FNDC3A: variants seen among roughly 807,000 people sequenced by gnomAD.
The protein encoded by FNDC3A is fibronectin type III domain containing 3A.
A neutral mutation model predicts 148.9 loss-of-function variants in FNDC3A; 32 were observed. That is an observed-to-expected ratio of 0.21 (90% CI 0.16 to 0.29). The LOEUF is 0.29. FNDC3A is among the 10% of genes least tolerant of loss of function. The pLI is 1.00. For missense variants in FNDC3A, 1,191 were observed against 1,452.8 expected (o/e 0.82, Z 2.93); for synonymous variants, 472 against 473.6 (o/e 1.00, Z 0.04).
chr13:49,161,729 G>C (rs891971164), intron 8 of FNDC3A, among the ~76,000 whole-genome samples: 1 of 152,170 alleles, frequency 6.6e-6, no homozygotes, highest in Admixed American at 6.5e-5. Context: ...GGCATGTTTT[G>C]CAGTGGCTGG....
chr13:49,118,908 A>G lies in FNDC3A; in HGVS notation c.252+4177A>G, dbSNP rs546689504. ...TTCCTGAGACAGAGCACCTGGGGGAAGGGGCAAGTGTGGGCACAGCTTCAG... is the reference window on the plus strand; with the variant it reads ...TTCCTGAGACAGAGCACCTGGGGGAGGGGGCAAGTGTGGGCACAGCTTCAG... On this transcript the variant is annotated intron_variant, in intron 4 of 25. Coordinates refer to ENST00000492622, the MANE Select transcript of FNDC3A (RefSeq NM_001079673.2). Among the ~76,000 whole-genome samples the G allele has an allele frequency of 2.6e-5, 4 of 152,330 alleles. No homozygotes were observed. In the East Asian group the frequency reaches 7.7e-4, roughly 29 times the overall value.
chr13:49,062,700 G>T (rs1300730353), intron 2 of FNDC3A, among the ~76,000 whole-genome samples: 1 of 152,136 alleles, frequency 6.6e-6, no homozygotes, highest in East Asian at 1.9e-4. Context: ...TTGAGTGGAT[G>T]CTTATAATGC....
At chr13:48,987,205 A>G (rs760573808) in intron 1 of FNDC3A, among the ~76,000 whole-genome samples, 3 of 152,234 alleles carry the variant, frequency 2.0e-5, no homozygotes, top group Non-Finnish European at 4.4e-5. Context: ...TTTTGGCTCT[A>G]AAGGGTAGCC....
At chr13:49,196,464 T>C (rs778984512) in intron 19 of FNDC3A, among the ~76,000 whole-genome samples, 7 of 152,182 alleles carry the variant, frequency 4.6e-5, no homozygotes, top group Non-Finnish European at 7.4e-5. Flanking sequence ...AAATTTGATA[T>C]GGAATATGCC....
chr13:49,066,424 A>G (rs1262553750), intron 2 of FNDC3A, among the ~76,000 whole-genome samples: 1 of 152,192 alleles, frequency 6.6e-6, no homozygotes, highest in Non-Finnish European at 1.5e-5. Context: ...ATGGTGCCCA[A>G]GAAACACTTA....
At chr13:49,105,696 A>G (rs1880131452) in intron 3 of FNDC3A, among the ~76,000 whole-genome samples, 1 of 152,340 alleles carries the variant, frequency 6.6e-6, no homozygotes, top group South Asian at 2.1e-4. Context: ...TATTAAAATT[A>G]GTACTGCTAT....
chr13:49,077,657 T>C (rs1041526575), intron 3 of FNDC3A, among the ~76,000 whole-genome samples: 1 of 152,040 alleles, frequency 6.6e-6, no homozygotes, highest in Non-Finnish European at 1.5e-5. Flanking sequence ...AGGGAGAGCA[T>C]TAGGACAAAT....
rs1285559846 is a variant in FNDC3A at position 49,175,484 on chromosome 13, A to G, written c.1473A>G (p.Ser491=). ...TATCCTTACAATGGAGTAAGCCCTCAGGAACACCATCAGATGAAGGAATTT... is the reference window on the plus strand; with the variant it reads ...TATCCTTACAATGGAGTAAGCCCTCGGGAACACCATCAGATGAAGGAATTT... The part of the protein sequence containing the change: ...TWLSLQWSKP[S]GTPSDEGISY... The change falls in exon 13 of 26, where the codon TCA becomes TCG. Residue 491 remains serine, a synonymous_variant. Transcript: ENST00000492622. 3 of 1,612,814 alleles carry G rather than the reference A, an allele frequency of 1.9e-6. No individual in the cohort carries two copies. In the East Asian group the frequency reaches 6.7e-5, roughly 36 times the overall value.
chr13:49,152,566 T>G (rs1227676511), intron 8 of FNDC3A, among the ~76,000 whole-genome samples: 1 of 152,116 alleles, frequency 6.6e-6, no homozygotes, highest in African/African-American at 2.4e-5. Flanking sequence ...ATTGTGCAGG[T>G]TAGTTACATA....
chr13:49,051,927 G>T (rs539787142), intron 2 of FNDC3A, among the ~76,000 whole-genome samples: 1 of 152,024 alleles, frequency 6.6e-6, no homozygotes, highest in South Asian at 2.1e-4. Context: ...CTTGTCTTCA[G>T]GCTCTGAAGT....
chr13:49,030,050 A>G (rs973262513), intron 2 of FNDC3A, among the ~76,000 whole-genome samples: 10 of 152,208 alleles, frequency 6.6e-5, no homozygotes, highest in Non-Finnish European at 1.5e-4. Flanking sequence ...GAGAATTAAC[A>G]CCAAATCTAA....
chr13:49,047,234 G>T lies in FNDC3A; in HGVS notation c.100-28055G>T, dbSNP rs570869037. On this transcript the variant is annotated intron_variant, in intron 2 of 25. Coordinates refer to ENST00000492622, the MANE Select transcript of FNDC3A (RefSeq NM_001079673.2). ...CACTCATTGATTGATGGACATTTGG[G>T]CTGGTTACATATTTTTGCAGTTGCG... Among the ~76,000 whole-genome samples, 51 of 152,034 alleles carry T rather than the reference G, an allele frequency of 3.4e-4. No homozygotes were observed. The South Asian group carries it at 0.011, about 32-fold the overall frequency.
intron 2 of FNDC3A, among the ~76,000 whole-genome samples, chr13:49,040,008 T>C (rs1874803848): frequency 6.6e-6 from 1 of 152,182 alleles, no homozygotes; most frequent in Non-Finnish European, 1.5e-5. Flanking sequence ...GCCACCGTGC[T>C]GGCCCTGTTA....
At chr13:49,082,079 T>C (rs1337764469) in intron 3 of FNDC3A, among the ~76,000 whole-genome samples, 1 of 151,748 alleles carries the variant, frequency 6.6e-6, no homozygotes, top group Non-Finnish European at 1.5e-5. Flanking sequence ...CATATTGAAA[T>C]GATAGGTCAA....
At chr13:49,132,679 C>T (rs1371640922) in intron 5 of FNDC3A, among the ~76,000 whole-genome samples, 2 of 152,182 alleles carry the variant, frequency 1.3e-5, no homozygotes, top group Admixed American at 6.5e-5. Context: ...CATTGCTTCC[C>T]CTTAGTCCCC....
At chr13:49,195,278 GC>G (rs1043202583) in intron 19 of FNDC3A, among the ~76,000 whole-genome samples, 30 of 152,262 alleles carry the variant, frequency 2.0e-4, no homozygotes, top group African/African-American at 6.3e-4. Flanking sequence ...ATATATAGTA[GC>G]CTTGATTTTT....
chr13:49,149,891 A>G (rs544065911), intron 8 of FNDC3A, among the ~76,000 whole-genome samples: 54 of 152,008 alleles, frequency 3.6e-4, no homozygotes, highest in African/African-American at 1.3e-3. Flanking sequence ...CATATTTTCT[A>G]TTTCTCGCTG....
At chr13:48,976,881 C>G (rs1566169374) in intron 1 of FNDC3A, 1 of 152,210 alleles carries the variant, frequency 6.6e-6, no homozygotes, top group South Asian at 2.1e-4. Context: ...GATCTTCGAA[C>G]TTTTGACACG....
At chr13:49,095,599 T>G (rs1241536451) in intron 3 of FNDC3A, 1 of 152,086 alleles carries the variant, frequency 6.6e-6, no homozygotes, top group Admixed American at 6.6e-5. Context: ...ACCTTCCTTA[T>G]TAAAAATAAA....
Sources: allele counts gnomAD v4.1 joint callset (sites outside exome capture counted in the v4.1 genomes callset), GRCh38; gene constraint gnomAD v4.1.1; transcripts MANE v1.5; gene names NCBI Gene and HGNC (gene_info 2026-07-23, HGNC 2026-07-21).